Variants in COMP observed in about 807,000 individuals in gnomAD.
COMP encodes cartilage oligomeric matrix protein (pseudoachondroplasia, epiphyseal dysplasia 1, multiple).
A neutral mutation model predicts 95.8 loss-of-function variants in COMP; 79 were observed. The observed-to-expected ratio is 0.82, with a 90% CI of 0.69 to 0.99. The LOEUF is 0.99. Ranked by LOEUF, COMP falls within the 50% of genes least tolerant of loss-of-function variation. The pLI is 0.00. For missense variants in COMP, 906 were observed against 1,076.1 expected (o/e 0.84, Z 2.21); for synonymous variants, 438 against 433.9 (o/e 1.01, Z -0.12).
chr19:18,787,586 G>A lies in COMP; in HGVS notation c.1040C>T (p.Ala347Val). The A allele has an allele frequency of 6.2e-7, 1 of 1,614,012 alleles. No individual in the cohort carries two copies. Among genetic ancestry groups the A allele is most frequent in the Non-Finnish European group, 8.5e-7 (1 of 1,180,026 alleles). ...RNTDEDKWGD[A>V]CDNCRSQKND... The stretch of plus-strand genomic sequence containing the variant: ...CTTCTGGGACCGGCAGTTGTCGCAC[G>A]CATCGCCCCACTTGTCCTCGTCCGT... The change falls in exon 10 of 19, where the codon GCG becomes GTG. Residue 347 changes from alanine to valine, a missense_variant. Physicochemically the swap from Ala to Val is moderately conservative, Grantham distance 64. Transcript: ENST00000222271.
chr19:18,785,919 G>A (rs749463139), intron 13 of COMP, 46 bp downstream of exon 13: 11 of 1,585,008 alleles, frequency 6.9e-6, no homozygotes, highest in African/African-American at 1.3e-5. Context: ...CGCGCCAGGA[G>A]CCCCCACTGG....
In COMP at chr19:18,788,343, G is replaced by C; in HGVS notation, c.868-24C>G. The C allele has an allele frequency of 6.2e-7, 1 of 1,608,748 alleles. No individual in the cohort carries two copies. Among genetic ancestry groups the C allele is most frequent in the Non-Finnish European group, 8.5e-7 (1 of 1,179,298 alleles). On this transcript the variant is annotated intron_variant, in intron 8 of 18. Transcript: ENST00000222271. This position sits in a 1 kb window ranked among gnomAD's most constrained non-coding sequence, Gnocchi z 4.7. Reference sequence around the variant, plus strand: ...TCCTGGGGGCGGGCACAGAAGGTGTGAGGGGCGCGGTCATGAAGTCCCGCC... The same window carrying C: ...TCCTGGGGGCGGGCACAGAAGGTGTCAGGGGCGCGGTCATGAAGTCCCGCC...
chr19:18,784,254 C>G lies in COMP; in HGVS notation c.2024G>C (p.Gly675Ala). The change falls in exon 17 of 19, where the codon GGT becomes GCT. Residue 675 changes from glycine to alanine, a missense_variant. By Grantham distance (60) the Gly-to-Ala change is moderately conservative. Coordinates refer to ENST00000222271, the MANE Select transcript of COMP (RefSeq NM_000095.3). This position sits in a 1 kb window ranked among gnomAD's most constrained non-coding sequence, Gnocchi z 4.9. ...ACGATAGGACTTCTTGTCCTTCCAA[C>G]CCACGTTTCGCGGGTCCTTCCACAG... ...RLLWKDPRNV[G>A]WKDKKSYRWF... 3.7e-6 allele frequency: 6 copies of G among 1,614,098 alleles called. No individual in the cohort carries two copies. The highest frequency in any genetic ancestry group is 5.1e-6 in the Non-Finnish European group (6 of 1,180,042).
chr19:18,788,917 G>T lies in COMP; in HGVS notation c.529-4C>A, dbSNP rs778795481. The T allele has an allele frequency of 5.6e-6, 9 of 1,613,134 alleles. No individual in the cohort carries two copies. In the East Asian group the frequency reaches 2.0e-4, roughly 36 times the overall value. ...ACTCGTTGATGTCCGTGCAAACCTAGGGGAGGGGAACTCAGAGGTCACCAC... is the reference window on the plus strand; with the variant it reads ...ACTCGTTGATGTCCGTGCAAACCTATGGGAGGGGAACTCAGAGGTCACCAC... On this transcript the variant is annotated splice_polypyrimidine_tract_variant and splice_region_variant and intron_variant, in intron 5 of 18. Coordinates refer to ENST00000222271, the MANE Select transcript of COMP (RefSeq NM_000095.3). The surrounding 1 kb of genome is among the most constrained non-coding windows in gnomAD (Gnocchi z 4.7).
At position 18,784,976 on chromosome 19, in the gene COMP, C is replaced by G; in HGVS notation, c.1834G>C (p.Val612Leu). 1 of 1,614,122 alleles carries G rather than the reference C, an allele frequency of 6.2e-7. No individual in the cohort carries two copies. Among genetic ancestry groups the G allele is most frequent in the Non-Finnish European group, 8.5e-7 (1 of 1,180,002 alleles). ...GTTTGCTCCATCTGCTTCCACATGA[C>G]CACGTAGAAGCTGGAGCTGTCCTGG... is the stretch of plus-strand genomic sequence containing the variant. ...GYQDSSSFYV[V>L]MWKQMEQTYW... Residue 612 changes from valine (V) to leucine (L), a missense_variant, in exon 16 of 19, where the codon GTC becomes CTC. Val to Leu is a conservative substitution (Grantham distance 32, BLOSUM62 1). Coordinates refer to ENST00000222271, the MANE Select transcript of COMP (RefSeq NM_000095.3). This position sits in a 1 kb window ranked among gnomAD's most constrained non-coding sequence, Gnocchi z 4.9.
rs745684634 is a variant in COMP at position 18,785,592 on chromosome 19, C to T, written c.1669-46G>A. The T allele has an allele frequency of 2.5e-6, 4 of 1,613,770 alleles. No individual in the cohort carries two copies. In the African/African-American group the frequency reaches 4.0e-5, roughly 16 times the overall value. ...AGGGCCTCAGGCTGGCCGTGACAGC[C>T]CTAGGCACCCTGTCCTCAGCATAGG... On this transcript the variant is annotated intron_variant, in intron 14 of 18. Coordinates refer to ENST00000222271, the MANE Select transcript of COMP (RefSeq NM_000095.3).
rs534407430 is a variant in COMP at position 18,790,120 on chromosome 19, G to A, written c.218-6C>T. ...GCGTACTGACTGCTGCATCCCTGCG[G>A]GGGGGAGGGGGGAGAAGCGGCGGGG... On this transcript the variant is annotated splice_polypyrimidine_tract_variant and splice_region_variant and intron_variant, in intron 3 of 18. Coordinates refer to ENST00000222271, the MANE Select transcript of COMP (RefSeq NM_000095.3). 7 of 1,523,306 alleles carry A rather than the reference G, an allele frequency of 4.6e-6. No homozygotes were observed. Among genetic ancestry groups the A allele is most frequent in the African/African-American group, 2.8e-5 (2 of 72,502 alleles). 94.4% of individuals were successfully genotyped at this position (1,523,306 alleles called of 1,614,324 possible).
In COMP at chr19:18,789,964, G is replaced by A; in HGVS notation, c.368C>T (p.Ser123Leu). The change falls in exon 4 of 19, where the codon TCG (serine) becomes TTG (leucine). Residue 123 changes from serine (S) to leucine (L), a missense_variant. Physicochemically the swap from Ser to Leu is moderately radical, Grantham distance 145. Coordinates refer to ENST00000222271, the MANE Select transcript of COMP (RefSeq NM_000095.3). This position sits in a 1 kb window ranked among gnomAD's most constrained non-coding sequence, Gnocchi z 6.1. Reference protein sequence around the residue: ...PCPAGFTGNGSHCTDVNECNA... With the variant: ...PCPAGFTGNGLHCTDVNECNA... ...CACCTCGTTGACGTCGGTGCAGTGC[G>A]AGCCGTTGCCCGTGAAGCCCGCGGG... 3 of 1,594,814 alleles carry A rather than the reference G, an allele frequency of 1.9e-6. No individual in the cohort carries two copies. Among genetic ancestry groups the A allele is most frequent in the Non-Finnish European group, 2.5e-6 (3 of 1,178,176 alleles).
chr19:18,790,413 C>T (rs2055204501), intron 3 of COMP, 149 bp downstream of exon 3: 2 of 1,015,440 alleles, frequency 2.0e-6, no homozygotes, highest in Non-Finnish European at 3.1e-6. Flanking sequence ...CTACACACCC[C>T]ATCCCATTCC....
Position 18,788,351 on chromosome 19 carries a change from C to G in COMP, c.868-32G>C, listed in dbSNP as rs752275020. Reference sequence around the variant, plus strand: ...GCGGGCACAGAAGGTGTGAGGGGCGCGGTCATGAAGTCCCGCCCTCCCTCC... The same window carrying G: ...GCGGGCACAGAAGGTGTGAGGGGCGGGGTCATGAAGTCCCGCCCTCCCTCC... On this transcript the variant is annotated intron_variant, in intron 8 of 18. Transcript: ENST00000222271. This position sits in a 1 kb window ranked among gnomAD's most constrained non-coding sequence, Gnocchi z 4.7. 2 of 1,607,462 alleles carry G rather than the reference C, an allele frequency of 1.2e-6. No homozygotes were observed. Among genetic ancestry groups the G allele is most frequent in the Admixed American group, 3.3e-5 (2 of 59,956 alleles).
Position 18,784,511 on chromosome 19 carries a change from G to C in COMP, c.1915-148C>G. On this transcript the variant is annotated intron_variant, in intron 16 of 18. Coordinates refer to ENST00000222271, the MANE Select transcript of COMP (RefSeq NM_000095.3). The surrounding 1 kb of genome is among the most constrained non-coding windows in gnomAD (Gnocchi z 4.9). ...ACCCACAAGGAAGCCTTCTTCAGGG[G>C]CCAAATGGCAGCTTGGGGATAGGTC... The C allele has an allele frequency of 4.4e-6, 4 of 907,828 alleles. No homozygotes were observed. Among genetic ancestry groups the C allele is most frequent in the Non-Finnish European group, 7.0e-6 (4 of 573,054 alleles). 56.2% of individuals were successfully genotyped at this position (907,828 alleles called of 1,614,324 possible).
chr19:18,787,526 C>A lies in COMP; in HGVS notation c.1100G>T (p.Arg367Leu). The change falls in exon 10 of 19, where the codon CGG becomes CTG. Residue 367 changes from arginine to leucine, a missense_variant. Transcript: ENST00000222271. ...GATGTCGTCGTCGCACGCATCGCCC[C>A]GGCCGTCCTGGTCTGTGTCCTTTTG... ...DDQKDTDQDG[R>L]GDACDDDIDG... 1 of 1,613,838 alleles carries A rather than the reference C, an allele frequency of 6.2e-7. No individual in the cohort carries two copies. The highest frequency in any genetic ancestry group is 8.5e-7 in the Non-Finnish European group (1 of 1,180,030).
chr19:18,785,387 C>G, intron 15 of COMP, 111 bp downstream of exon 15: 6 of 1,452,470 alleles, frequency 4.1e-6, no homozygotes, highest in Non-Finnish European at 2.9e-6. Flanking sequence ...TTCCTGAGCC[C>G]GGGCCAGCCC....
rs1273475303 is a variant in COMP at position 18,789,450 on chromosome 19, C to CT, written c.391-154dup. 1.3e-5 allele frequency among the ~76,000 whole-genome samples: 2 copies of CT among 152,124 alleles called. No homozygotes were observed. The highest frequency in any genetic ancestry group is 4.8e-5 in the African/African-American group (2 of 41,418). ...CAATTGTCGCAGGGGTCAGGCACGA[C>CT]TTTGCCTTGATGACGGCAAGGGCGC... On this transcript the variant is annotated intron_variant, in intron 4 of 18. Coordinates refer to ENST00000222271, the MANE Select transcript of COMP (RefSeq NM_000095.3). This position sits in a 1 kb window ranked among gnomAD's most constrained non-coding sequence, Gnocchi z 6.1.
Position 18,788,716 on chromosome 19 carries a change from A to C in COMP, c.638T>G (p.Phe213Cys). ...GCAGCCGGACGCCTGGTCGCCCACG[A>C]AGCCGGGCTGGCACGGGCCGCACTG... Reference protein sequence around the residue: ...SFQCGPCQPGFVGDQASGCQR... With the variant: ...SFQCGPCQPGCVGDQASGCQR... Residue 213 changes from phenylalanine to cysteine, a missense_variant, in exon 7 of 19, where the codon TTC becomes TGC. Coordinates refer to ENST00000222271, the MANE Select transcript of COMP (RefSeq NM_000095.3). The surrounding 1 kb of genome is among the most constrained non-coding windows in gnomAD (Gnocchi z 4.7). 1.3e-6 allele frequency: 2 copies of C among 1,543,728 alleles called. No individual in the cohort carries two copies. Among genetic ancestry groups the C allele is most frequent in the South Asian group, 2.4e-5 (2 of 84,168 alleles).
chr19:18,787,079 C>CT (rs2055172962), intron 10 of COMP: 2 of 363,922 alleles, frequency 5.5e-6, no homozygotes, highest in Non-Finnish European at 5.2e-6. Context: ...CCCACAGGAA[C>CT]TTTAAGAATG....
Position 18,787,522 on chromosome 19 carries a change from G to T in COMP, c.1104C>A (p.Gly368=). 1 of 1,613,380 alleles carries T rather than the reference G, an allele frequency of 6.2e-7. No individual in the cohort carries two copies. The highest frequency in any genetic ancestry group is 1.1e-5 in the South Asian group (1 of 91,070). The part of the protein sequence containing the change: ...DQKDTDQDGR[G]DACDDDIDGD... ...CGTCGATGTCGTCGTCGCACGCATC[G>T]CCCCGGCCGTCCTGGTCTGTGTCCT... Residue 368 remains glycine, a synonymous_variant, in exon 10 of 19, where the codon GGC becomes GGA. Transcript: ENST00000222271.
chr19:18,785,162 C>T (rs2145899800), intron 15 of COMP, 70 bp from the exon 16 acceptor site: 3 of 1,457,194 alleles, frequency 2.1e-6, no homozygotes, highest in Non-Finnish European at 2.9e-6. Flanking sequence ...GCACCCAGAA[C>T]CCAAACCTGC....
rs774801993 is a variant in COMP, at chr19:18,785,519, T to C, written c.1696A>G (p.Ser566Gly). ...QGREIVQTMN[S>G]DPGLAVGYTA... ...TCACCCACAGCCAGGCCTGGGTCGCTGTTCATTGTCTGCACGATCTCCCTT... is the reference window on the plus strand; with the variant it reads ...TCACCCACAGCCAGGCCTGGGTCGCCGTTCATTGTCTGCACGATCTCCCTT... The change falls in exon 15 of 19, where the codon AGC (serine) becomes GGC (glycine). Residue 566 changes from serine (S) to glycine (G), a missense_variant. Ser to Gly is a moderately conservative substitution (Grantham distance 56). Transcript: ENST00000222271. 1.5e-5 allele frequency: 24 copies of C among 1,613,840 alleles called. No individual in the cohort carries two copies. Among genetic ancestry groups the C allele is most frequent in the Non-Finnish European group, 2.0e-5 (24 of 1,180,040 alleles).
Sources: gnomAD v4.1 joint callset for allele counts (sites outside exome capture counted in the v4.1 genomes callset) on GRCh38, gnomAD v4.1.1 for gene constraint, Gnocchi (gnomAD v3.1) non-coding constraint, MANE v1.5 for transcripts, NCBI Gene and HGNC (gene_info 2026-07-23, HGNC 2026-07-21) for gene names.